SLC6A2: variants seen among roughly 807,000 people sequenced by gnomAD.
SLC6A2 encodes sodium-dependent noradrenaline transporter.
Under a neutral mutation model 71.7 loss-of-function variants are expected in SLC6A2, and 26 were observed. The ratio of observed to expected loss-of-function variants is 0.36; its 90% CI spans 0.27 to 0.50. The LOEUF (loss-of-function observed/expected upper bound fraction) is 0.50, where lower values mean the gene tolerates loss of function less well. Among genes scored for constraint, SLC6A2 ranks in the 20% least tolerant of loss-of-function variants. The pLI is 0.96. For synonymous variants in SLC6A2, 363 were observed against 337.9 expected (o/e 1.07, Z -0.82); for missense variants, 581 against 803.9 (o/e 0.72, Z 3.35).
chr16:55,683,724 A>G (rs1965355328), intron 4 of SLC6A2, among the ~76,000 whole-genome samples: 1 of 152,140 alleles, frequency 6.6e-6, no homozygotes, highest in African/African-American at 2.4e-5. Flanking sequence ...TCAAGCGACA[A>G]CTCAGCAAAT....
intron 2 of SLC6A2, among the ~76,000 whole-genome samples, chr16:55,664,219 C>A (rs996100084): frequency 6.6e-6 from 1 of 152,132 alleles, no homozygotes; most frequent in Non-Finnish European, 1.5e-5. Context: ...CCGCTCTGGC[C>A]GGTGCTTCCA....
intron 5 of SLC6A2, among the ~76,000 whole-genome samples, chr16:55,691,705 T>C (rs1965634593): frequency 6.6e-6 from 1 of 152,176 alleles, no homozygotes; most frequent in Admixed American, 6.5e-5. Context: ...GGTTCTGAGC[T>C]TCTCTAGGGT....
intron 7 of SLC6A2, among the ~76,000 whole-genome samples, 157 bp from the exon 8 acceptor site, chr16:55,695,121 A>G (rs758263437): frequency 5.9e-5 from 9 of 152,154 alleles, no homozygotes; most frequent in Admixed American, 3.3e-4. Context: ...TGCACCAGTG[A>G]TGGTGAGGCC....
rs1198156989 is a variant in SLC6A2 at position 55,672,088 on chromosome 16, C to T, written c.557C>T (p.Thr186Ile). The T allele has an allele frequency of 3.7e-6, 6 of 1,614,216 alleles. No homozygotes were observed. Among genetic ancestry groups the T allele is most frequent in the Non-Finnish European group, 5.1e-6 (6 of 1,180,044 alleles). ...CGHTWNSPNC[T>I]DPKLLNGSVL... Reference sequence around the variant, plus strand: ...CACACCTGGAACAGCCCCAACTGTACCGACCCCAAGCTCCTCAATGGCTCC... The same window carrying T: ...CACACCTGGAACAGCCCCAACTGTATCGACCCCAAGCTCCTCAATGGCTCC... Residue 186 changes from threonine to isoleucine, a missense_variant, in exon 4 of 15, where the codon ACC becomes ATC. Thr to Ile is a moderately conservative substitution (Grantham distance 89). This residue lies in a region of SLC6A2 where 87 missense variants were observed against 99.5 expected (regional missense o/e 0.87). Coordinates refer to ENST00000568943, the MANE Select transcript of SLC6A2 (RefSeq NM_001172501.3).
chr16:55,677,981 C>A (rs545902662), intron 4 of SLC6A2, among the ~76,000 whole-genome samples: 1 of 152,112 alleles, frequency 6.6e-6, no homozygotes, highest in Non-Finnish European at 1.5e-5. Context: ...ATTTTAGGAG[C>A]CTTCTGCCCT....
chr16:55,690,940 A>C (rs1205966518), intron 5 of SLC6A2, among the ~76,000 whole-genome samples: 1 of 151,868 alleles, frequency 6.6e-6, no homozygotes, highest in Non-Finnish European at 1.5e-5. Flanking sequence ...GTTTCTTTTT[A>C]GTTTGGAGTA....
intron 6 of SLC6A2, among the ~76,000 whole-genome samples, chr16:55,693,422 C>T (rs1260043435): frequency 6.6e-6 from 1 of 151,956 alleles, no homozygotes; most frequent in Non-Finnish European, 1.5e-5. Context: ...GTATAATTAT[C>T]CCCATTATAC....
At chr16:55,667,918 G>T (rs1434444490) in intron 2 of SLC6A2, among the ~76,000 whole-genome samples, 4 of 152,324 alleles carry the variant, frequency 2.6e-5, no homozygotes, top group African/African-American at 9.6e-5. Flanking sequence ...GCAGGATAAG[G>T]TCGGTCAGGT....
intron 4 of SLC6A2, among the ~76,000 whole-genome samples, chr16:55,677,354 A>G (rs180719614): frequency 1.9e-4 from 29 of 152,320 alleles, no homozygotes; most frequent in Non-Finnish European, 3.4e-4. Flanking sequence ...AGGAAAAAGC[A>G]TGATTTTTCT....
In SLC6A2 at chr16:55,702,645, A is replaced by T. The variant is rs551353962; in HGVS notation, c.*299A>T. On this transcript the variant is annotated 3_prime_UTR_variant, in exon 15 of 15. Coordinates refer to ENST00000568943, the MANE Select transcript of SLC6A2 (RefSeq NM_001172501.3). ...TTGGGATCCTGCTGAAGCTAGGTTC[A>T]TGAGGTCGGAAATCCCCACCACATT... 8 of 1,337,360 alleles carry T rather than the reference A, an allele frequency of 6.0e-6. No homozygotes were observed. The highest frequency in any genetic ancestry group is 1.6e-5 in the South Asian group (1 of 61,528). 82.8% of individuals were successfully genotyped at this position (1,337,360 alleles called of 1,614,324 possible). A position where few individuals can be genotyped will look rare whatever the true frequency, so the allele number is the denominator to read the frequency against.
rs1282644213 is a variant in SLC6A2, at chr16:55,702,640, GGTT to G, written c.*295_*297del. On this transcript the variant is annotated 3_prime_UTR_variant, in exon 15 of 15. Transcript: ENST00000568943. ...CCACTTTGGGATCCTGCTGAAGCTA[GGTT>G]CATGAGGTCGGAAATCCCCACCACA... The G allele has an allele frequency of 7.4e-7, 1 of 1,349,698 alleles. No homozygotes were observed. The highest frequency in any genetic ancestry group is 1.5e-5 in the African/African-American group (1 of 67,488). The allele number at this position is 1,349,698 out of a possible 1,614,324, so 83.6% of individuals were successfully genotyped here.
At chr16:55,670,060 G>A (rs1285236936) in intron 3 of SLC6A2, among the ~76,000 whole-genome samples, 2 of 152,144 alleles carry the variant, frequency 1.3e-5, no homozygotes, top group African/African-American at 4.8e-5. Flanking sequence ...GGATCTTTTT[G>A]AGCCCAGCCG....
chr16:55,677,746 A>C (rs1339844669), intron 4 of SLC6A2, among the ~76,000 whole-genome samples: 2 of 151,730 alleles, frequency 1.3e-5, no homozygotes, highest in Non-Finnish European at 2.9e-5. Flanking sequence ...TGCAGCCTTG[A>C]CCTCCCAGGC....
intron 11 of SLC6A2, among the ~76,000 whole-genome samples, chr16:55,699,074 ATTGT>A (rs376582190): frequency 1.2e-3 from 187 of 152,316 alleles, no homozygotes; most frequent in African/African-American, 3.8e-3. Flanking sequence ...AAATGTGTTA[ATTGT>A]TTGTTTTTCC....
At chr16:55,684,906 G>C (rs36017) in intron 4 of SLC6A2, among the ~76,000 whole-genome samples, 64,677 of 152,090 alleles carry the variant, frequency 0.43, 14,014 homozygotes, top group East Asian at 0.52. Flanking sequence ...AGCCATGAGC[G>C]TGGAATCTCC....
At position 55,691,942 on chromosome 16, in the gene SLC6A2, C is replaced by T. The variant is rs1555505144; in HGVS notation, c.808C>T (p.Pro270Ser). The T allele has an allele frequency of 1.2e-6, 2 of 1,614,128 alleles. No individual in the cohort carries two copies. Among genetic ancestry groups the T allele is most frequent in the Non-Finnish European group, 1.7e-6 (2 of 1,180,018 alleles). The change falls in exon 6 of 15, where the codon CCT becomes TCT. Residue 270 changes from proline (P) to serine (S), a missense_variant. Pro to Ser is a moderately conservative substitution (Grantham distance 74). Coordinates refer to ENST00000568943, the MANE Select transcript of SLC6A2 (RefSeq NM_001172501.3). ...GKVVWITATL[P>S]YFVLFVLLVH... ...GGTGGTGTGGATCACAGCCACGCTG[C>T]CTTACTTCGTGCTGTTCGTGCTCCT...
chr16:55,659,082 G>C (rs1322251060), intron 2 of SLC6A2, among the ~76,000 whole-genome samples: 4 of 152,134 alleles, frequency 2.6e-5, no homozygotes, highest in African/African-American at 7.2e-5. Context: ...GGAAGGCTCT[G>C]TCATTAATCA....
intron 12 of SLC6A2, 142 bp from the exon 13 acceptor site, chr16:55,699,997 C>T: frequency 2.7e-6 from 2 of 746,654 alleles, no homozygotes; most frequent in Non-Finnish European, 4.7e-6. Context: ...CTCTTTTCCA[C>T]TCCTTCCTTA....
chr16:55,668,767 G>C (rs28526230), intron 2 of SLC6A2, among the ~76,000 whole-genome samples: 150,671 of 152,308 alleles, frequency 0.99, 74,549 homozygotes, highest in Middle Eastern at 1. Flanking sequence ...GGGACCCCAT[G>C]AAGTTTCTGT....
Sources: gnomAD v4.1 joint callset for allele counts (sites outside exome capture counted in the v4.1 genomes callset) on GRCh38, gnomAD v4.1.1 for gene constraint, gnomAD v4.1.1 regional missense constraint, MANE v1.5 for transcripts, NCBI Gene and HGNC (gene_info 2026-07-23, HGNC 2026-07-21) for gene names.